The following PPP2R2B variants were observed in gnomAD, a reference collection of about 807,000 sequenced individuals.
The protein encoded by PPP2R2B is serine/threonine-protein phosphatase 2A 55 kDa regulatory subunit B beta isoform.
A neutral mutation model predicts 46.0 loss-of-function variants in PPP2R2B; 5 were observed. The observed-to-expected ratio is 0.11, with a 90% CI of 0.06 to 0.23. The LOEUF (loss-of-function observed/expected upper bound fraction) is 0.23, where lower values mean the gene tolerates loss of function less well. Ranked by LOEUF, PPP2R2B falls within the 10% of genes least tolerant of loss-of-function variation. The pLI is 1.00. For synonymous variants in PPP2R2B, 215 were observed against 206.7 expected, an observed-to-expected ratio of 1.04 and a Z score of -0.34; for missense variants, 367 against 575.0, an observed-to-expected ratio of 0.64 and a Z score of 3.70.
intron 1 of PPP2R2B, among the ~76,000 whole-genome samples, chr5:146,948,215 G>T (rs2151833654): frequency 6.6e-6 from 1 of 152,188 alleles, no homozygotes; most frequent in South Asian, 2.1e-4. Context: ...AGGAAACATT[G>T]TTACGGGCAT....
chr5:146,652,767 C>A lies in PPP2R2B; in HGVS notation c.448-2043G>T, dbSNP rs77129319. Among the ~76,000 whole-genome samples the A allele has an allele frequency of 1.1e-4, 17 of 151,918 alleles. No individual in the cohort carries two copies. The East Asian group carries it at 2.3e-3, about 21-fold the overall frequency. On this transcript the variant is annotated intron_variant, in intron 5 of 9. Coordinates refer to ENST00000394411, the MANE Select transcript of PPP2R2B (RefSeq NM_181675.4). ...GGCTAGGTAGGAGGCAACACCCCCC[C>A]CCAAAAAGTTTTGCCATTATTCCAA... is the stretch of plus-strand genomic sequence containing the variant.
intron 2 of PPP2R2B, among the ~76,000 whole-genome samples, chr5:146,819,422 C>T (rs943585072): frequency 6.6e-6 from 1 of 152,118 alleles, no homozygotes; most frequent in Admixed American, 6.6e-5. Context: ...CAGAGAGAGA[C>T]ACAACCACAG....
At chr5:146,859,622 A>C (rs1007286669) in intron 2 of PPP2R2B, among the ~76,000 whole-genome samples, 3 of 152,240 alleles carry the variant, frequency 2.0e-5, no homozygotes, top group African/African-American at 7.2e-5. Context: ...GTTTTAAAAA[A>C]AGAGGGAGTC....
chr5:146,828,865 C>T (rs947379449), intron 2 of PPP2R2B, among the ~76,000 whole-genome samples: 1 of 152,082 alleles, frequency 6.6e-6, no homozygotes, highest in Non-Finnish European at 1.5e-5. Flanking sequence ...GATGAGTTAA[C>T]AACCATTATT....
intron 1 of PPP2R2B, among the ~76,000 whole-genome samples, chr5:147,046,618 G>A (rs1756555382): frequency 6.6e-6 from 1 of 152,186 alleles, no homozygotes; most frequent in Non-Finnish European, 1.5e-5. Context: ...AATCAAAAGA[G>A]CACTGATCAG....
intron 1 of PPP2R2B, among the ~76,000 whole-genome samples, chr5:147,018,006 A>T (rs1016850713): frequency 6.6e-6 from 1 of 151,284 alleles, no homozygotes; most frequent in Non-Finnish European, 1.5e-5. Flanking sequence ...CCAGGCCCAG[A>T]TGAATTATAG....
chr5:146,725,175 T>G (rs892320335), intron 2 of PPP2R2B, among the ~76,000 whole-genome samples: 1 of 152,156 alleles, frequency 6.6e-6, no homozygotes, highest in African/African-American at 2.4e-5. Context: ...AGCACACAAT[T>G]TCAAGAAAAC....
intron 2 of PPP2R2B, among the ~76,000 whole-genome samples, chr5:146,757,611 C>G (rs1009935548): frequency 6.6e-6 from 1 of 152,124 alleles, no homozygotes; most frequent in Admixed American, 6.5e-5. Flanking sequence ...GTGTCTTGCA[C>G]AGAGGACATA....
In PPP2R2B at chr5:146,600,303, G is replaced by T. The variant is rs375413594; in HGVS notation, c.948C>A (p.Ile316=). 6.2e-7 allele frequency: 1 copy of T among 1,613,726 alleles called. No individual in the cohort carries two copies. The highest frequency in any genetic ancestry group is 8.5e-7 in the Non-Finnish European group (1 of 1,179,800). Residue 316 remains isoleucine, a synonymous_variant, in exon 8 of 10, where the codon ATC becomes ATA. Coordinates refer to ENST00000394411, the MANE Select transcript of PPP2R2B (RefSeq NM_181675.4). ...VWDLNMENRP[I]ETYQVHDYLR... ...TGGGGTTCTATACCTGGTAAGTCTC[G>T]ATGGGGCGGTTTTCCATGTTGAGAT...
At chr5:146,809,830 T>C (rs186392134) in intron 2 of PPP2R2B, among the ~76,000 whole-genome samples, 2 of 151,922 alleles carry the variant, frequency 1.3e-5, no homozygotes, top group East Asian at 3.9e-4. Context: ...GAGCAGAGAG[T>C]GGAAGCAGGG....
chr5:146,847,437 A>T (rs772427177), intron 2 of PPP2R2B, among the ~76,000 whole-genome samples: 8 of 152,054 alleles, frequency 5.3e-5, no homozygotes, highest in Non-Finnish European at 8.8e-5. Context: ...ACCCACATCC[A>T]TTACTCTCCT....
rs116828245 is a variant in PPP2R2B, at chr5:146,966,414, A to G, written c.79+89251T>C. Among the ~76,000 whole-genome samples, 744 of 152,170 alleles carry G rather than the reference A, an allele frequency of 4.9e-3. 5 individuals are homozygous for G. The highest frequency in any genetic ancestry group is 0.017 in the African/African-American group (710 of 41,506). On this transcript the variant is annotated intron_variant, in intron 1 of 8. Coordinates refer to the PPP2R2B transcript ENST00000336640. ...TTCCTGCTTATGTAGACTCCCCTCTATCTTCGCGCAGTTGTCAAACTGACA... is the reference window on the plus strand; with the variant it reads ...TTCCTGCTTATGTAGACTCCCCTCTGTCTTCGCGCAGTTGTCAAACTGACA...
rs1779297467 is a variant in PPP2R2B at position 146,698,230 on chromosome 5, C to CA, written c.169-87dup. On this transcript the variant is annotated intron_variant, in intron 3 of 9. Transcript: ENST00000394411. ...CCAACTCCCTTTTTTTTCCAGCAGTCATTGGGGGTGGGATGAGGGCAGGGC... is the reference window on the plus strand; with the variant it reads ...CCAACTCCCTTTTTTTTCCAGCAGTCAATTGGGGGTGGGATGAGGGCAGGGC... 6.1e-6 allele frequency: 7 copies of CA among 1,151,446 alleles called. No individual in the cohort carries two copies. In the East Asian group the frequency reaches 2.4e-4, roughly 40 times the overall value. The allele number at this position is 1,151,446 out of a possible 1,614,324, so 71.3% of individuals were successfully genotyped here. A position where few individuals can be genotyped will look rare whatever the true frequency, so the allele number is the denominator to read the frequency against.
chr5:146,680,885 T>C lies in PPP2R2B; in HGVS notation c.447+10243A>G, dbSNP rs184097727. 6.6e-5 allele frequency among the ~76,000 whole-genome samples: 10 copies of C among 152,298 alleles called. No homozygotes were observed. The East Asian group carries it at 1.5e-3, about 24-fold the overall frequency. On this transcript the variant is annotated intron_variant, in intron 5 of 9. Coordinates refer to ENST00000394411, the MANE Select transcript of PPP2R2B (RefSeq NM_181675.4). ...TCTAAGGAAACCAGAGAATAAAATATATTTTTCTGTTGAAAACAGTCTCCT... is the reference window on the plus strand; with the variant it reads ...TCTAAGGAAACCAGAGAATAAAATACATTTTTCTGTTGAAAACAGTCTCCT...
chr5:146,641,749 T>C (rs1775237442), intron 6 of PPP2R2B, among the ~76,000 whole-genome samples: 1 of 152,184 alleles, frequency 6.6e-6, no homozygotes, highest in African/African-American at 2.4e-5. Context: ...TCAGCATATG[T>C]AATTTTGCCC....
Position 146,646,449 on chromosome 5 carries a change from G to T in PPP2R2B, c.625+4098C>A, listed in dbSNP as rs140158665. 5.0e-3 allele frequency among the ~76,000 whole-genome samples: 768 copies of T among 152,272 alleles called. 8 individuals are homozygous for T. The highest frequency in any genetic ancestry group is 0.018 in the African/African-American group (736 of 41,542). On this transcript the variant is annotated intron_variant, in intron 6 of 9. Coordinates refer to ENST00000394411, the MANE Select transcript of PPP2R2B (RefSeq NM_181675.4). The stretch of plus-strand genomic sequence containing the variant: ...AGTTGTTATAGTCCTGATGTAGTTA[G>T]CCTATTAAGACGAAAGTTTGACTGC...
rs550856858 is a variant in PPP2R2B, at chr5:146,837,697, T to C, written c.70+40305A>G. Among the ~76,000 whole-genome samples, 7 of 152,352 alleles carry C rather than the reference T, an allele frequency of 4.6e-5. No individual in the cohort carries two copies. In the South Asian group the frequency reaches 1.4e-3, roughly 32 times the overall value. ...AACATTATTGTTGAGATATTTTATA[T>C]ATTTTTTTGTACTAAGTCTTCTAAA... is the stretch of plus-strand genomic sequence containing the variant. On this transcript the variant is annotated intron_variant, in intron 2 of 9. Coordinates refer to ENST00000394411, the MANE Select transcript of PPP2R2B (RefSeq NM_181675.4).
chr5:146,600,322 T>A lies in PPP2R2B; in HGVS notation c.929A>T (p.Asn310Ile). ...AGTCTCGATGGGGCGGTTTTCCATG[T>A]TGAGATCCCAGACTTTGACGGTCAA... ...DYLTVKVWDL[N>I]MENRPIETYQ... The change falls in exon 8 of 10, where the codon AAC (asparagine) becomes ATC (isoleucine). Residue 310 changes from asparagine to isoleucine, a missense_variant. By Grantham distance (149) the Asn-to-Ile change is moderately radical. Transcript: ENST00000394411. 1 of 1,613,940 alleles carries A rather than the reference T, an allele frequency of 6.2e-7. No individual in the cohort carries two copies. The highest frequency in any genetic ancestry group is 8.5e-7 in the Non-Finnish European group (1 of 1,179,888).
chr5:146,980,545 G>A (rs913739990), intron 1 of PPP2R2B, among the ~76,000 whole-genome samples: 1 of 152,160 alleles, frequency 6.6e-6, no homozygotes, highest in Non-Finnish European at 1.5e-5. Context: ...GAAGGCTCAA[G>A]GGAGAGAATG....
Sources: allele counts gnomAD v4.1 joint callset (sites outside exome capture counted in the v4.1 genomes callset), GRCh38; gene constraint gnomAD v4.1.1; transcripts MANE v1.5; gene names NCBI Gene and HGNC (gene_info 2026-07-23, HGNC 2026-07-21).